RFTN1: variants seen among roughly 807,000 people sequenced by gnomAD.
The protein encoded by RFTN1 is raftlin.
In RFTN1, 26 loss-of-function variants were observed where a neutral mutation model predicts 46.5. The observed-to-expected ratio is 0.56, with a 90% CI of 0.41 to 0.78. The LOEUF (loss-of-function observed/expected upper bound fraction) is 0.78. Among genes scored for constraint, RFTN1 ranks in the 30% least tolerant of loss-of-function variants. The probability of loss-of-function intolerance (pLI) is 0.00; values close to 1 mark genes in which losing one functional copy is unlikely to be tolerated. For missense variants in RFTN1, 693 were observed against 718.7 expected (o/e 0.96, Z 0.41); for synonymous variants, 261 against 284.2 (o/e 0.92, Z 0.82).
intron 3 of RFTN1, among the ~76,000 whole-genome samples, chr3:16,412,320 C>A (rs2074994535): frequency 6.6e-6 from 1 of 152,182 alleles, no homozygotes; most frequent in East Asian, 1.9e-4. Flanking sequence ...GGAAAAATCC[C>A]TAAACCCCTT....
rs941376001 is a variant in RFTN1, at chr3:16,376,822, C to T, written c.826+896G>A. ...TGATGTAACAAAAGAAACTGTTTCTCCTTGTTTTCCCTTCTGGAAGCACCA... is the reference window on the plus strand; with the variant it reads ...TGATGTAACAAAAGAAACTGTTTCTTCTTGTTTTCCCTTCTGGAAGCACCA... On this transcript the variant is annotated intron_variant, in intron 5 of 9. Transcript: ENST00000334133. The surrounding 1 kb of genome is among the most constrained non-coding windows in gnomAD (Gnocchi z 4.7). Among the ~76,000 whole-genome samples the T allele has an allele frequency of 6.6e-6, 1 of 152,168 alleles. No homozygotes were observed. Among genetic ancestry groups the T allele is most frequent in the African/African-American group, 2.4e-5 (1 of 41,432 alleles).
intron 2 of RFTN1, among the ~76,000 whole-genome samples, chr3:16,435,784 T>C (rs2075498166): frequency 1.3e-5 from 2 of 152,080 alleles, no homozygotes; most frequent in African/African-American, 2.4e-5. Flanking sequence ...ACAAAATAAA[T>C]TCCTAGATGT....
At position 16,481,301 on chromosome 3, in the gene RFTN1, G is replaced by A. The variant is rs368388991; in HGVS notation, c.145+12424C>T. Among the ~76,000 whole-genome samples, 3 of 152,086 alleles carry A rather than the reference G, an allele frequency of 2.0e-5. No homozygotes were observed. Among genetic ancestry groups the A allele is most frequent in the Non-Finnish European group, 4.4e-5 (3 of 68,032 alleles). ...TTTGCTCAGAAAAACTTAAAGCTAC[G>A]TCACACATATTATCTCATTTATCTT... On this transcript the variant is annotated intron_variant, in intron 2 of 9. Coordinates refer to ENST00000334133, the MANE Select transcript of RFTN1 (RefSeq NM_015150.2). This position sits in a 1 kb window ranked among gnomAD's most constrained non-coding sequence, Gnocchi z 5.1.
At chr3:16,439,389 A>G (rs2075579142) in intron 2 of RFTN1, among the ~76,000 whole-genome samples, 1 of 152,212 alleles carries the variant, frequency 6.6e-6, no homozygotes, top group African/African-American at 2.4e-5. Context: ...GTTTTGTAAT[A>G]GTTGCCTGAT....
Position 16,407,360 on chromosome 3 carries a change from T to C in RFTN1, c.441+2015A>G, listed in dbSNP as rs1161583662. 8.4e-6 allele frequency among the ~76,000 whole-genome samples: 1 copy of C among 119,148 alleles called. No individual in the cohort carries two copies. The highest frequency in any genetic ancestry group is 3.0e-5 in the African/African-American group (1 of 33,320). The allele number at this position is 119,148 out of a possible 152,430, so 78.2% of individuals were successfully genotyped here. On this transcript the variant is annotated intron_variant, in intron 4 of 9. Transcript: ENST00000334133. This position sits in a 1 kb window ranked among gnomAD's most constrained non-coding sequence, Gnocchi z 4.0. ...ACCATGCTCGGCTTTTTAAAGAGAC[T>C]TTTTTTTTTTTGGCAGAGATGGAGG...
rs1477052751 is a variant in RFTN1, at chr3:16,335,035, G to C, written c.1147-8159C>G. 6.6e-6 allele frequency among the ~76,000 whole-genome samples: 1 copy of C among 152,220 alleles called. No individual in the cohort carries two copies. Among genetic ancestry groups the C allele is most frequent in the Non-Finnish European group, 1.5e-5 (1 of 68,042 alleles). ...ATTGTCTCCTAAAAGTCTCCACAAA[G>C]AATGTGGTCCTGTCAACACCTTGGT... is the stretch of plus-strand genomic sequence containing the variant. On this transcript the variant is annotated intron_variant, in intron 7 of 9. Coordinates refer to ENST00000334133, the MANE Select transcript of RFTN1 (RefSeq NM_015150.2). The surrounding 1 kb of genome is among the most constrained non-coding windows in gnomAD (Gnocchi z 4.7).
intron 1 of RFTN1, among the ~76,000 whole-genome samples, chr3:16,503,216 C>T (rs1191821837): frequency 6.6e-6 from 1 of 152,154 alleles, no homozygotes; most frequent in Non-Finnish European, 1.5e-5. Flanking sequence ...TCAGAACCTG[C>T]TACTCAACAT....
At position 16,474,313 on chromosome 3, in the gene RFTN1, T is replaced by C. The variant is rs779239583; in HGVS notation, c.145+19412A>G. ...AGAGAGATGGGTCTCCCAGCAAATC[T>C]GCAGGCCTCAGCCCAGAGCTGTGCC... On this transcript the variant is annotated intron_variant, in intron 2 of 9. Transcript: ENST00000334133. This position sits in a 1 kb window ranked among gnomAD's most constrained non-coding sequence, Gnocchi z 5.5. Among the ~76,000 whole-genome samples, 12 of 152,226 alleles carry C rather than the reference T, an allele frequency of 7.9e-5. No individual in the cohort carries two copies. Among genetic ancestry groups the C allele is most frequent in the Non-Finnish European group, 1.6e-4 (11 of 68,038 alleles).
intron 3 of RFTN1, among the ~76,000 whole-genome samples, chr3:16,423,518 C>A (rs57460964): frequency 6.6e-6 from 1 of 152,108 alleles, no homozygotes; most frequent in Admixed American, 6.5e-5. Context: ...ACTCATGAAA[C>A]GTGTGGACAC....
In RFTN1 at chr3:16,410,714, C is replaced by A. The variant is rs1161802242; in HGVS notation, c.333-1231G>T. Among the ~76,000 whole-genome samples the A allele has an allele frequency of 1.3e-5, 2 of 152,130 alleles. No individual in the cohort carries two copies. Among genetic ancestry groups the A allele is most frequent in the Non-Finnish European group, 2.9e-5 (2 of 68,024 alleles). ...GTCAAAGGAGAGGCTTCCTAGCGCA[C>A]CCTGCCATCTCTGCACACAGGGGCT... On this transcript the variant is annotated intron_variant, in intron 3 of 9. Transcript: ENST00000334133. This position sits in a 1 kb window ranked among gnomAD's most constrained non-coding sequence, Gnocchi z 4.6.
At chr3:16,482,656 T>A (rs2076386358) in intron 2 of RFTN1, 1 of 1,099,970 alleles carries the variant, frequency 9.1e-7, no homozygotes, top group Non-Finnish European at 1.3e-6. Flanking sequence ...AAAATCAAGA[T>A]CTCTATAAGG....
In RFTN1 at chr3:16,430,819, C is replaced by T. The variant is rs117854194; in HGVS notation, c.332+3032G>A. Among the ~76,000 whole-genome samples the T allele has an allele frequency of 1.8e-3, 281 of 152,278 alleles. 6 individuals carry two copies. In the East Asian group the frequency reaches 0.034, roughly 19 times the overall value. ...AAACCCAAGGAGACTGCCAACTTCC[C>T]TTTCTTGAAAACCCTCCTGCATACA... On this transcript the variant is annotated intron_variant, in intron 3 of 9. Transcript: ENST00000334133.
rs2076361255 is a variant in RFTN1, at chr3:16,481,213, A to G, written c.145+12512T>C. ...TTAGTGAATATTTAACAATAACACT[A>G]ACGCTAATAGCAGACTTGGTCGCAA... On this transcript the variant is annotated intron_variant, in intron 2 of 9. Coordinates refer to ENST00000334133, the MANE Select transcript of RFTN1 (RefSeq NM_015150.2). This position sits in a 1 kb window ranked among gnomAD's most constrained non-coding sequence, Gnocchi z 5.1. 6.6e-6 allele frequency among the ~76,000 whole-genome samples: 1 copy of G among 152,228 alleles called. No individual in the cohort carries two copies. The highest frequency in any genetic ancestry group is 2.1e-4 in the South Asian group (1 of 4,834).
At chr3:16,399,522 T>G (rs2125418947) in intron 4 of RFTN1, among the ~76,000 whole-genome samples, 1 of 152,296 alleles carries the variant, frequency 6.6e-6, no homozygotes, top group Non-Finnish European at 1.5e-5. Context: ...CCTCTTCCCC[T>G]GGCCTCCATC....
rs115448949 is a variant in RFTN1, at chr3:16,418,774, T to C, written c.333-9291A>G. ...AAAAAGAAAGCTATTCCTAGTTTCATTAACTTACGTATAACTAATGACAAT... is the reference window on the plus strand; with the variant it reads ...AAAAAGAAAGCTATTCCTAGTTTCACTAACTTACGTATAACTAATGACAAT... On this transcript the variant is annotated intron_variant, in intron 3 of 9. Coordinates refer to ENST00000334133, the MANE Select transcript of RFTN1 (RefSeq NM_015150.2). This position sits in a 1 kb window ranked among gnomAD's most constrained non-coding sequence, Gnocchi z 5.0. Among the ~76,000 whole-genome samples, 765 of 152,288 alleles carry C rather than the reference T, an allele frequency of 5.0e-3. 7 individuals are homozygous for C. The highest frequency in any genetic ancestry group is 0.018 in the African/African-American group (735 of 41,560).
In RFTN1 at chr3:16,449,049, A is replaced by G. The variant is rs527571999; in HGVS notation, c.146-15012T>C. Among the ~76,000 whole-genome samples the G allele has an allele frequency of 6.6e-6, 1 of 152,348 alleles. No individual in the cohort carries two copies. Among genetic ancestry groups the G allele is most frequent in the Admixed American group, 6.5e-5 (1 of 15,304 alleles). ...GCATCCGTGTGGTATTAATGTTTCAACTTAACATAGTTTTCCCCTTCCTGT... is the reference window on the plus strand; with the variant it reads ...GCATCCGTGTGGTATTAATGTTTCAGCTTAACATAGTTTTCCCCTTCCTGT... On this transcript the variant is annotated intron_variant, in intron 2 of 9. Coordinates refer to ENST00000334133, the MANE Select transcript of RFTN1 (RefSeq NM_015150.2). This position sits in a 1 kb window ranked among gnomAD's most constrained non-coding sequence, Gnocchi z 5.1.
At position 16,413,058 on chromosome 3, in the gene RFTN1, G is replaced by C. The variant is rs1035172536; in HGVS notation, c.333-3575C>G. ...TATGATAATAAATACGTACCATTTTGAACCATGAAATGTGTTATCATTTAT... is the reference window on the plus strand; with the variant it reads ...TATGATAATAAATACGTACCATTTTCAACCATGAAATGTGTTATCATTTAT... On this transcript the variant is annotated intron_variant, in intron 3 of 9. Coordinates refer to ENST00000334133, the MANE Select transcript of RFTN1 (RefSeq NM_015150.2). This position sits in a 1 kb window ranked among gnomAD's most constrained non-coding sequence, Gnocchi z 4.7. Among the ~76,000 whole-genome samples, 3 of 152,206 alleles carry C rather than the reference G, an allele frequency of 2.0e-5. No homozygotes were observed. The highest frequency in any genetic ancestry group is 7.2e-5 in the African/African-American group (3 of 41,446).
At chr3:16,417,158 T>C (rs1363873450) in intron 3 of RFTN1, among the ~76,000 whole-genome samples, 1 of 151,636 alleles carries the variant, frequency 6.6e-6, no homozygotes, top group African/African-American at 2.4e-5. Flanking sequence ...TACAGGCACA[T>C]GCTACCATGT....
intron 5 of RFTN1, 113 bp downstream of exon 5, chr3:16,377,605 C>T: frequency 6.8e-7 from 1 of 1,472,144 alleles, no homozygotes; most frequent in Non-Finnish European, 9.0e-7. Flanking sequence ...TGATGGACTG[C>T]TGTCTCTACA....
Sources: gnomAD v4.1 joint callset for allele counts (sites outside exome capture counted in the v4.1 genomes callset) on GRCh38, gnomAD v4.1.1 for gene constraint, Gnocchi (gnomAD v3.1) non-coding constraint, MANE v1.5 for transcripts, NCBI Gene and HGNC (gene_info 2026-07-23, HGNC 2026-07-21) for gene names.